AFF2: variants seen among roughly 807,000 people sequenced by gnomAD.
The protein encoded by AFF2 is AF4/FMR2 family member 2.
A neutral mutation model predicts 76.9 loss-of-function variants in AFF2; 14 were observed. The observed-to-expected ratio is 0.18, with a 90% CI of 0.12 to 0.28. The LOEUF (loss-of-function observed/expected upper bound fraction) is 0.28, where lower values mean the gene tolerates loss of function less well. Ranked by LOEUF, AFF2 falls within the 10% of genes least tolerant of loss-of-function variation. AFF2 has a pLI of 1.00. For missense variants in AFF2, 868 were observed against 1,001.1 expected (o/e 0.87, Z 1.79); for synonymous variants, 398 against 366.7 (o/e 1.09, Z -0.98).
chrX:148,961,055 G>T (rs1557287952), intron 12 of AFF2, among the ~76,000 whole-genome samples: 1 of 112,190 alleles, frequency 8.9e-6, no homozygotes, highest in African/African-American at 3.2e-5. Flanking sequence ...TGTACAGAAT[G>T]CACTGAATCC....
intron 3 of AFF2, among the ~76,000 whole-genome samples, chrX:148,799,358 T>C (rs2070027571): frequency 1.8e-5 from 2 of 111,845 alleles, no homozygotes; most frequent in Admixed American, 1.9e-4. Context: ...ACCATCATCA[T>C]GGTAATCAAA....
intron 7 of AFF2, among the ~76,000 whole-genome samples, chrX:148,858,251 A>G (rs782180441): frequency 1.8e-5 from 2 of 111,522 alleles, no homozygotes; most frequent in Non-Finnish European, 3.8e-5. Context: ...CCACCCTATT[A>G]TGGTGTAGTT....
chrX:148,721,404 C>A (rs922011177), intron 3 of AFF2, among the ~76,000 whole-genome samples: 3 of 112,025 alleles, frequency 2.7e-5, no homozygotes, highest in Non-Finnish European at 3.8e-5. Flanking sequence ...ATAATCGTCT[C>A]TACCTCATAG....
intron 1 of AFF2, among the ~76,000 whole-genome samples, chrX:148,651,356 C>T (rs1310577395): frequency 8.9e-6 from 1 of 111,892 alleles, no homozygotes; most frequent in African/African-American, 3.2e-5. Flanking sequence ...AGTCAGACCC[C>T]TTTTTTTGTG....
intron 9 of AFF2, among the ~76,000 whole-genome samples, chrX:148,915,402 T>C (rs2071516277): frequency 8.9e-6 from 1 of 112,156 alleles, no homozygotes; most frequent in South Asian, 3.7e-4. Context: ...GTCTCAAATC[T>C]TTTTCTCAAT....
At chrX:148,667,817 C>T (rs1050422765) in intron 3 of AFF2, among the ~76,000 whole-genome samples, 1 of 111,520 alleles carries the variant, frequency 9.0e-6, no homozygotes, top group Non-Finnish European at 1.9e-5. Context: ...GGGGACACAG[C>T]CAAACCATAT....
At chrX:148,915,397 A>T (rs1367479387) in intron 9 of AFF2, among the ~76,000 whole-genome samples, 7 of 112,073 alleles carry the variant, frequency 6.2e-5, no homozygotes, top group Non-Finnish European at 1.3e-4. Flanking sequence ...AGAAGGTCTC[A>T]AATCTTTTTC....
At chrX:148,598,005 T>G (rs1435668617) in intron 1 of AFF2, among the ~76,000 whole-genome samples, 1 of 111,330 alleles carries the variant, frequency 9.0e-6, no homozygotes, top group Non-Finnish European at 1.9e-5. Flanking sequence ...TCAATAGGAG[T>G]TGGGGGATTT....
At chrX:148,980,400 T>C (rs2072377190) in intron 18 of AFF2, among the ~76,000 whole-genome samples, 1 of 112,190 alleles carries the variant, frequency 8.9e-6, no homozygotes, top group Non-Finnish European at 1.9e-5. Context: ...AAAGCTTACT[T>C]GCACTCTGAA....
At chrX:148,528,007 C>A (rs2052684548) in intron 1 of AFF2, among the ~76,000 whole-genome samples, 1 of 112,110 alleles carries the variant, frequency 8.9e-6, no homozygotes, top group Non-Finnish European at 1.9e-5. Context: ...GACCATTTGC[C>A]TTTAGCTGAC....
chrX:148,991,072 T>C (rs1879197448), intron 20 of AFF2, 139 bp from the exon 21 acceptor site: 2 of 689,759 alleles, frequency 2.9e-6, no homozygotes, highest in Non-Finnish European at 4.1e-6. Context: ...TAAATGTTTG[T>C]TGAATGAATG....
chrX:148,987,541 G>T lies in AFF2; in HGVS notation c.3798G>T (p.Leu1266=). 1 of 1,209,830 alleles carries T rather than the reference G, an allele frequency of 8.3e-7. No homozygotes were observed. The change falls in exon 20 of 21, where the codon CTG becomes CTT. Residue 1266 remains leucine (L), a synonymous_variant. Transcript: ENST00000370460. ...AACACTGGGATATGGCCGACAAACT[G>T]ACAAGAGAAAACAAAGGTATGCTCA... ...GYEHWDMADK[L]TRENKEFFGD...
chrX:148,605,565 G>T (rs782704280), intron 1 of AFF2, among the ~76,000 whole-genome samples: 11 of 111,663 alleles, frequency 9.9e-5, no homozygotes, highest in African/African-American at 3.6e-4. Context: ...AGGGCCTCTT[G>T]GTGAAGTAAT....
intron 16 of AFF2, among the ~76,000 whole-genome samples, chrX:148,974,925 A>T (rs2124405323): frequency 8.9e-6 from 1 of 112,620 alleles, no homozygotes; most frequent in South Asian, 3.7e-4. Flanking sequence ...ATACTGGCAA[A>T]AATCATAAGG....
intron 1 of AFF2, among the ~76,000 whole-genome samples, chrX:148,635,821 C>A (rs1291773120): frequency 3.7e-5 from 4 of 109,579 alleles, no homozygotes; most frequent in African/African-American, 1.3e-4. Flanking sequence ...GAATAATAGC[C>A]TGAGGATTCT....
chrX:148,933,383 A>G (rs1384222181), intron 9 of AFF2, among the ~76,000 whole-genome samples: 6 of 111,874 alleles, frequency 5.4e-5, no homozygotes, highest in Admixed American at 4.7e-4. Context: ...GAGCTGCGAG[A>G]GAATTTCGAG....
intron 4 of AFF2, among the ~76,000 whole-genome samples, chrX:148,836,424 G>A (rs2070526257): frequency 9.0e-6 from 1 of 111,234 alleles, no homozygotes; most frequent in African/African-American, 3.3e-5. Context: ...CCTTGTTTTA[G>A]TGCTACCTGA....
chrX:148,837,600 A>AT (rs2070542525), intron 4 of AFF2, 47 bp from the exon 5 acceptor site: 1 of 827,771 alleles, frequency 1.2e-6, no homozygotes, highest in Non-Finnish European at 1.8e-6. Flanking sequence ...AAAGGGCTTG[A>AT]TTTTTTAATT....
At chrX:148,699,417 A>G (rs1326800200) in intron 3 of AFF2, among the ~76,000 whole-genome samples, 7 of 111,862 alleles carry the variant, frequency 6.3e-5, no homozygotes, top group Non-Finnish European at 1.3e-4. Context: ...TACGATAATG[A>G]CAAATAGTGT....
Sources: allele counts gnomAD v4.1 joint callset (sites outside exome capture counted in the v4.1 genomes callset), GRCh38; gene constraint gnomAD v4.1.1; transcripts MANE v1.5; gene names NCBI Gene and HGNC (gene_info 2026-07-23, HGNC 2026-07-21).